Variants in MACROD2 observed in about 807,000 individuals in gnomAD.
MACROD2 encodes mono-ADP ribosylhydrolase 2.
MACROD2 carries 36 observed loss-of-function variants against 70.4 expected under a neutral mutation model. The ratio of observed to expected loss-of-function variants is 0.51; its 90% CI spans 0.39 to 0.68. The LOEUF is 0.68. Among genes scored for constraint, MACROD2 ranks in the 30% least tolerant of loss-of-function variants. The pLI, the probability that MACROD2 is intolerant of heterozygous loss-of-function variation, is 0.00. For synonymous variants in MACROD2, 172 were observed against 178.8 expected (o/e 0.96, Z 0.30); for missense variants, 496 against 538.4 (o/e 0.92, Z 0.78).
intron 3 of MACROD2, among the ~76,000 whole-genome samples, chr20:14,258,861 T>C (rs1040950333): frequency 2.0e-5 from 3 of 152,206 alleles, no homozygotes; most frequent in Non-Finnish European, 4.4e-5. Context: ...TTTAAGTCTT[T>C]GATCCATCTT....
At chr20:14,729,706 T>C (rs534040308) in intron 5 of MACROD2, among the ~76,000 whole-genome samples, 1 of 151,998 alleles carries the variant, frequency 6.6e-6, no homozygotes, top group Non-Finnish European at 1.5e-5. Flanking sequence ...AAAATGAGAG[T>C]CCTTGTTAAA....
chr20:14,850,240 G>T, intron 5 of MACROD2: 1 of 210,470 alleles, frequency 4.8e-6, no homozygotes, highest in Non-Finnish European at 9.9e-6. Flanking sequence ...ATATATGGGT[G>T]ATTAGAAGCT....
chr20:14,075,766 C>G (rs979415212), intron 2 of MACROD2, among the ~76,000 whole-genome samples: 1 of 152,140 alleles, frequency 6.6e-6, no homozygotes, highest in Non-Finnish European at 1.5e-5. Flanking sequence ...CACACTGTCC[C>G]TCGTTGAAGG....
At chr20:14,807,031 G>A (rs549739828) in intron 5 of MACROD2, among the ~76,000 whole-genome samples, 5 of 152,100 alleles carry the variant, frequency 3.3e-5, no homozygotes, top group East Asian at 1.9e-4. Context: ...AGACTTAAAC[G>A]TTCCTTCCTG....
At chr20:14,687,431 CT>C (rs1428148221) in intron 5 of MACROD2, among the ~76,000 whole-genome samples, 1 of 152,174 alleles carries the variant, frequency 6.6e-6, no homozygotes, top group Non-Finnish European at 1.5e-5. Flanking sequence ...TACAATTCAT[CT>C]TATTTTAGGG....
chr20:15,049,829 C>G (rs1368406409), intron 5 of MACROD2, among the ~76,000 whole-genome samples: 2 of 152,036 alleles, frequency 1.3e-5, no homozygotes, highest in Non-Finnish European at 2.9e-5. Flanking sequence ...GCACCTTTAA[C>G]CCCAGCTGCT....
At chr20:16,016,948 T>A (rs1437634546) in intron 15 of MACROD2, among the ~76,000 whole-genome samples, 1 of 152,212 alleles carries the variant, frequency 6.6e-6, no homozygotes, top group East Asian at 1.9e-4. Context: ...CCAGATATGT[T>A]CACTTCTCCC....
chr20:15,158,472 T>G (rs1442751645), intron 5 of MACROD2, among the ~76,000 whole-genome samples: 1 of 152,184 alleles, frequency 6.6e-6, no homozygotes, highest in Non-Finnish European at 1.5e-5. Flanking sequence ...AACTCTGTTC[T>G]TTTCACACAC....
rs534391975 is a variant in MACROD2, at chr20:15,724,794, T to C, written c.646-137951T>C. On this transcript the variant is annotated intron_variant, in intron 8 of 17. Transcript: ENST00000684519. The stretch of plus-strand genomic sequence containing the variant: ...GTCTTCTGCATCTCCATATAAACTA[T>C]AGAATTGGCCAGGCACGGTGGCTCA... Among the ~76,000 whole-genome samples, 7 of 152,112 alleles carry C rather than the reference T, an allele frequency of 4.6e-5. No homozygotes were observed. In the South Asian group the frequency reaches 1.5e-3, roughly 32 times the overall value.
At chr20:15,527,268 C>A (rs62195566) in intron 8 of MACROD2, among the ~76,000 whole-genome samples, 12,380 of 152,096 alleles carry the variant, frequency 0.081, 794 homozygotes, top group African/African-American at 0.17. Flanking sequence ...CAAAAGGCTC[C>A]TTACTCATTT....
intron 5 of MACROD2, among the ~76,000 whole-genome samples, chr20:14,799,323 AAAT>A (rs1406154718): frequency 6.6e-6 from 1 of 152,038 alleles, no homozygotes; most frequent in Non-Finnish European, 1.5e-5. Context: ...CTTACTATTA[AAAT>A]AATAAGAGAT....
rs550777137 is a variant in MACROD2 at position 14,757,729 on chromosome 20, C to T, written c.418+72770C>T. 72 of 1,525,138 alleles carry T rather than the reference C, an allele frequency of 4.7e-5. 1 individual carries two copies. In the African/African-American group the frequency reaches 5.1e-4, roughly 11 times the overall value. The allele number at this position is 1,525,138 out of a possible 1,614,324, so 94.5% of individuals were successfully genotyped here. On this transcript the variant is annotated intron_variant, in intron 5 of 17. Coordinates refer to ENST00000684519, the MANE Select transcript of MACROD2 (RefSeq NM_001351661.2). Reference sequence around the variant, plus strand: ...TGCAGTCTCTCAAGTCCCGAGGCTACGTGAAGGCACAGTTTGCCTGGAGAC... The same window carrying T: ...TGCAGTCTCTCAAGTCCCGAGGCTATGTGAAGGCACAGTTTGCCTGGAGAC...
At chr20:14,482,751 T>G (rs982347061) in intron 3 of MACROD2, among the ~76,000 whole-genome samples, 2 of 152,214 alleles carry the variant, frequency 1.3e-5, no homozygotes, top group Non-Finnish European at 2.9e-5. Context: ...TATGCTACAG[T>G]AGTTTAAAAA....
intron 3 of MACROD2, among the ~76,000 whole-genome samples, chr20:14,432,038 A>T (rs1035368674): frequency 2.0e-5 from 3 of 152,286 alleles, no homozygotes; most frequent in Admixed American, 6.5e-5. Context: ...TCCTCTTTTT[A>T]AAAAATTCAG....
At chr20:14,591,444 A>G (rs756392661) in intron 4 of MACROD2, among the ~76,000 whole-genome samples, 2 of 152,158 alleles carry the variant, frequency 1.3e-5, no homozygotes, top group Non-Finnish European at 2.9e-5. Context: ...CCCTGTAAAT[A>G]TATCTCATAG....
chr20:14,833,729 A>G lies in MACROD2; in HGVS notation c.418+148770A>G, dbSNP rs538125289. 2.0e-5 allele frequency among the ~76,000 whole-genome samples: 3 copies of G among 152,070 alleles called. 1 individual carries two copies. The highest frequency in any genetic ancestry group is 4.4e-5 in the Non-Finnish European group (3 of 67,988). On this transcript the variant is annotated intron_variant, in intron 5 of 17. Coordinates refer to ENST00000684519, the MANE Select transcript of MACROD2 (RefSeq NM_001351661.2). ...TATTTTCTGTGTTTTCAATTATTACATTTTGAAATGCTAGTGGAAAATGCT... is the reference window on the plus strand; with the variant it reads ...TATTTTCTGTGTTTTCAATTATTACGTTTTGAAATGCTAGTGGAAAATGCT...
intron 8 of MACROD2, among the ~76,000 whole-genome samples, chr20:15,511,942 C>T (rs2047505579): frequency 6.6e-6 from 1 of 152,300 alleles, no homozygotes; most frequent in East Asian, 1.9e-4. Context: ...TTGAAAATTT[C>T]TTCAGGTAGT....
intron 4 of MACROD2, among the ~76,000 whole-genome samples, chr20:14,649,110 C>G (rs1985544507): frequency 6.6e-6 from 1 of 152,154 alleles, no homozygotes; most frequent in Non-Finnish European, 1.5e-5. Flanking sequence ...CTTAGGGCTT[C>G]TACCCCCCTG....
intron 4 of MACROD2, among the ~76,000 whole-genome samples, chr20:14,517,486 A>G (rs1473900283): frequency 1.3e-5 from 2 of 152,128 alleles, no homozygotes; most frequent in South Asian, 2.1e-4. Context: ...GAGTTGAGCA[A>G]TGAGAACACG....
Sources: allele counts gnomAD v4.1 joint callset (sites outside exome capture counted in the v4.1 genomes callset), GRCh38; gene constraint gnomAD v4.1.1; transcripts MANE v1.5; gene names NCBI Gene and HGNC (gene_info 2026-07-23, HGNC 2026-07-21).